Variants in INPP4A observed in about 807,000 individuals in gnomAD.
INPP4A encodes the protein inositol polyphosphate-4-phosphatase, type I, 107kD.
Under a neutral mutation model 119.8 loss-of-function variants are expected in INPP4A, and 33 were observed. The ratio of observed to expected loss-of-function variants is 0.28; its 90% CI spans 0.21 to 0.37. INPP4A has a LOEUF of 0.37. Ranked by LOEUF, INPP4A falls within the 10% of genes least tolerant of loss-of-function variation. The pLI is 1.00. For synonymous variants in INPP4A, 496 were observed against 500.7 expected (o/e 0.99, Z 0.12); for missense variants, 956 against 1,289.9 (o/e 0.74, Z 3.97).
At chr2:98,530,151 A>G (rs1051311741) in intron 4 of INPP4A, among the ~76,000 whole-genome samples, 3 of 152,040 alleles carry the variant, frequency 2.0e-5, no homozygotes, top group African/African-American at 7.2e-5. Context: ...ATCTTTTTCT[A>G]GATAAATAAC....
chr2:98,445,205 C>T (rs934921702), intron 1 of INPP4A, 120 bp downstream of exon 1: 4 of 152,018 alleles, frequency 2.6e-5, no homozygotes, highest in African/African-American at 7.2e-5. Flanking sequence ...ACGGCGCCCG[C>T]GGTTTTCATG....
chr2:98,483,419 G>A (rs1352174332), intron 1 of INPP4A, among the ~76,000 whole-genome samples: 1 of 152,168 alleles, frequency 6.6e-6, no homozygotes, highest in Non-Finnish European at 1.5e-5. Flanking sequence ...GTGGCTGCAG[G>A]GCTGCCCCAG....
intron 1 of INPP4A, among the ~76,000 whole-genome samples, chr2:98,488,193 A>G (rs145260260): frequency 6.6e-5 from 10 of 152,206 alleles, no homozygotes; most frequent in Non-Finnish European, 1.2e-4. Context: ...GCACTGCAAG[A>G]TACTCCAGGC....
intron 1 of INPP4A, among the ~76,000 whole-genome samples, chr2:98,476,328 C>T (rs973865195): frequency 6.6e-6 from 1 of 152,210 alleles, no homozygotes; most frequent in Non-Finnish European, 1.5e-5. Flanking sequence ...TAATGCCTGG[C>T]TGGATGCCCA....
chr2:98,485,409 G>T (rs1234934467), intron 1 of INPP4A, among the ~76,000 whole-genome samples: 1 of 152,140 alleles, frequency 6.6e-6, no homozygotes, highest in African/African-American at 2.4e-5. Context: ...GGTATCTGTG[G>T]GGGGTGGGGT....
chr2:98,540,667 C>T (rs951644915), intron 10 of INPP4A, among the ~76,000 whole-genome samples: 1 of 152,188 alleles, frequency 6.6e-6, no homozygotes, highest in Non-Finnish European at 1.5e-5. Context: ...TGGTGGAAGG[C>T]GTCACACAGC....
chr2:98,513,660 A>G (rs1381653482), intron 1 of INPP4A, among the ~76,000 whole-genome samples: 1 of 152,226 alleles, frequency 6.6e-6, no homozygotes, highest in African/African-American at 2.4e-5. Context: ...AAGCCTGCAC[A>G]CAGGCCAGTG....
intron 1 of INPP4A, among the ~76,000 whole-genome samples, chr2:98,498,742 T>C (rs1682542498): frequency 6.6e-6 from 1 of 152,188 alleles, no homozygotes; most frequent in Admixed American, 6.5e-5. Flanking sequence ...TAAGGTTAAA[T>C]TAGGACATAA....
At chr2:98,451,139 C>T (rs1032644047) in intron 1 of INPP4A, among the ~76,000 whole-genome samples, 3 of 152,204 alleles carry the variant, frequency 2.0e-5, no homozygotes, top group African/African-American at 7.2e-5. Flanking sequence ...GTGTGCATGT[C>T]TCTTTCTGGT....
chr2:98,587,832 T>C lies in INPP4A; in HGVS notation c.*224T>C, dbSNP rs967476283. On this transcript the variant is annotated 3_prime_UTR_variant, in exon 25 of 25. Coordinates refer to ENST00000409851, the MANE Select transcript of INPP4A (RefSeq NM_001134225.2). Reference sequence around the variant, plus strand: ...ATGTTTGGCTCAATAGTGTGGATAGTAACAACTGCCTATTTAAATTAAATA... The same window carrying C: ...ATGTTTGGCTCAATAGTGTGGATAGCAACAACTGCCTATTTAAATTAAATA... 1 of 415,430 alleles carries C rather than the reference T, an allele frequency of 2.4e-6. No homozygotes were observed. The highest frequency in any genetic ancestry group is 2.1e-5 in the African/African-American group (1 of 48,160). The allele number at this position is 415,430 out of a possible 1,614,324, so 25.7% of individuals were successfully genotyped here. A position where few individuals can be genotyped will look rare whatever the true frequency, so the allele number is the denominator to read the frequency against.
chr2:98,550,297 G>T (rs1284729713), intron 13 of INPP4A, among the ~76,000 whole-genome samples: 1 of 152,128 alleles, frequency 6.6e-6, no homozygotes, highest in African/African-American at 2.4e-5. Context: ...CCTGGAGACT[G>T]TGAGGGGCTA....
chr2:98,515,337 A>T (rs1171491002), intron 1 of INPP4A, among the ~76,000 whole-genome samples: 4 of 151,646 alleles, frequency 2.6e-5, no homozygotes, highest in Non-Finnish European at 4.4e-5. Flanking sequence ...CTTTCATTTT[A>T]CTTTCTCTCT....
chr2:98,495,844 G>A (rs756298605), intron 1 of INPP4A, among the ~76,000 whole-genome samples: 5 of 152,134 alleles, frequency 3.3e-5, no homozygotes, highest in Admixed American at 6.5e-5. Context: ...ATTCTCTCCC[G>A]GGTCAGGAAA....
At chr2:98,504,033 CTT>C (rs1307790326) in intron 1 of INPP4A, among the ~76,000 whole-genome samples, 2 of 152,240 alleles carry the variant, frequency 1.3e-5, no homozygotes, top group Non-Finnish European at 2.9e-5. Flanking sequence ...TTATTGCACT[CTT>C]TTAAAAACTG....
intron 1 of INPP4A, among the ~76,000 whole-genome samples, chr2:98,475,217 G>A (rs1676958420): frequency 6.6e-6 from 1 of 152,112 alleles, no homozygotes; most frequent in South Asian, 2.1e-4. Flanking sequence ...GTCGGGAGCA[G>A]CTTGTGAGTG....
intron 1 of INPP4A, among the ~76,000 whole-genome samples, chr2:98,488,989 G>A (rs1418372392): frequency 6.9e-6 from 1 of 144,204 alleles, no homozygotes; most frequent in African/African-American, 2.6e-5. Context: ...GTGTGTAAAT[G>A]GTGTAGTTTG....
rs149081622 is a variant in INPP4A, at chr2:98,505,712, G to A, written c.-165-13252G>A. Reference sequence around the variant, plus strand: ...CACAGAGCCAGCCGTCACCACAGACGCCTGGGCTTGAGTTGTGTCTTGCTG... The same window carrying A: ...CACAGAGCCAGCCGTCACCACAGACACCTGGGCTTGAGTTGTGTCTTGCTG... On this transcript the variant is annotated intron_variant, in intron 1 of 24. Coordinates refer to ENST00000409851, the MANE Select transcript of INPP4A (RefSeq NM_001134225.2). Among the ~76,000 whole-genome samples, 217 of 152,292 alleles carry A rather than the reference G, an allele frequency of 1.4e-3. 1 individual carries two copies. The highest frequency in any genetic ancestry group is 5.0e-3 in the African/African-American group (207 of 41,556).
intron 5 of INPP4A, 106 bp downstream of exon 5, chr2:98,533,601 C>T (rs1012150709): frequency 4.2e-6 from 3 of 712,086 alleles, no homozygotes; most frequent in African/African-American, 1.8e-5. Flanking sequence ...GCTGTATTTA[C>T]GTGAGTTGTT....
chr2:98,574,323 C>A (rs1319385389), intron 23 of INPP4A, among the ~76,000 whole-genome samples: 2 of 151,984 alleles, frequency 1.3e-5, no homozygotes, highest in Admixed American at 1.3e-4. Flanking sequence ...GAAAAGCAAG[C>A]CTTTCCCACA....
Sources: allele counts gnomAD v4.1 joint callset (sites outside exome capture counted in the v4.1 genomes callset), GRCh38; gene constraint gnomAD v4.1.1; transcripts MANE v1.5; gene names NCBI Gene and HGNC (gene_info 2026-07-23, HGNC 2026-07-21).